Variants in ROBO2 observed in about 807,000 individuals in gnomAD.
ROBO2 encodes the protein roundabout guidance receptor 2.
Under a neutral mutation model 160.8 loss-of-function variants are expected in ROBO2, and 53 were observed. The ratio of observed to expected loss-of-function variants is 0.33; its 90% CI spans 0.26 to 0.41. The LOEUF is 0.41. Ranked by LOEUF, ROBO2 falls within the 10% of genes least tolerant of loss-of-function variation. The pLI is 1.00. For synonymous variants in ROBO2, 664 were observed against 611.7 expected (o/e 1.09, Z -1.26); for missense variants, 1,577 against 1,722.4 (o/e 0.92, Z 1.49).
intron 24 of ROBO2, among the ~76,000 whole-genome samples, chr3:77,638,477 T>C (rs1190444275): frequency 6.6e-6 from 1 of 152,158 alleles, no homozygotes; most frequent in East Asian, 1.9e-4. Flanking sequence ...TTCTATTTCA[T>C]TGAAAACAAC....
In ROBO2 at chr3:76,747,369, CATAT is replaced by C. The variant is rs1560489948; in HGVS notation, c.110-350641_110-350638del. ...TTAAGTGTAAAGGTATTTTTACTGA[CATAT>C]ATACTTATCTTTCATAGAATTTTAA... On this transcript the variant is annotated intron_variant, in intron 2 of 26. Coordinates refer to the ROBO2 transcript ENST00000487694. Among the ~76,000 whole-genome samples, 5 of 152,014 alleles carry C rather than the reference CATAT, an allele frequency of 3.3e-5. No homozygotes were observed. The South Asian group carries it at 1.0e-3, about 32-fold the overall frequency.
intron 2 of ROBO2, among the ~76,000 whole-genome samples, chr3:76,071,796 ATCT>A (rs1303745836): frequency 2.0e-5 from 3 of 151,686 alleles, no homozygotes; most frequent in Non-Finnish European, 4.4e-5. Flanking sequence ...AATGATTATA[ATCT>A]TATTATTATT....
intron 2 of ROBO2, among the ~76,000 whole-genome samples, chr3:76,036,418 G>A (rs1206341543): frequency 1.3e-5 from 2 of 151,856 alleles, no homozygotes; most frequent in Admixed American, 1.3e-4. Flanking sequence ...CCAAAGTGCT[G>A]GGATTACAGG....
chr3:76,919,692 T>A (rs2076545474), intron 2 of ROBO2, among the ~76,000 whole-genome samples: 1 of 152,142 alleles, frequency 6.6e-6, no homozygotes, highest in Non-Finnish European at 1.5e-5. Context: ...CAAAATAATA[T>A]TATTTTTTAT....
intron 2 of ROBO2, among the ~76,000 whole-genome samples, chr3:76,209,737 G>A (rs1360583524): frequency 3.6e-4 from 55 of 152,086 alleles, no homozygotes; most frequent in Non-Finnish European, 4.4e-5. Flanking sequence ...CGTGCTCATG[G>A]AATTATTTCA....
chr3:77,648,694 A>C (rs368041269), exon 26 of ROBO2: 7 of 152,242 alleles, frequency 4.6e-5, no homozygotes, highest in African/African-American at 1.7e-4. Context: ...AGCCTTTGTC[A>C]GCTTGCTACT....
At position 76,655,088 on chromosome 3, in the gene ROBO2, T is replaced by G. The variant is rs191332999; in HGVS notation, c.110-442926T>G. Among the ~76,000 whole-genome samples, 772 of 151,110 alleles carry G rather than the reference T, an allele frequency of 5.1e-3. 2 individuals carry two copies. Among genetic ancestry groups the G allele is most frequent in the Middle Eastern group, 0.044 (13 of 294 alleles). On this transcript the variant is annotated intron_variant, in intron 2 of 26. Transcript: ENST00000487694. ...AGTTGAAAAAGCGGGGTTACAATTTTTTAAATTTTATGAATAGTATGGCTG... is the reference window on the plus strand; with the variant it reads ...AGTTGAAAAAGCGGGGTTACAATTTGTTAAATTTTATGAATAGTATGGCTG...
intron 2 of ROBO2, among the ~76,000 whole-genome samples, chr3:76,004,116 T>C (rs1458297000): frequency 6.6e-6 from 1 of 152,222 alleles, no homozygotes; most frequent in Non-Finnish European, 1.5e-5. Flanking sequence ...TATAGCAACT[T>C]TATTTGCATG....
intron 2 of ROBO2, among the ~76,000 whole-genome samples, chr3:76,743,414 T>G (rs2093834466): frequency 6.6e-6 from 1 of 152,146 alleles, no homozygotes; most frequent in African/African-American, 2.4e-5. Context: ...TGGCTCAATA[T>G]TCCCATTAAC....
intron 2 of ROBO2, among the ~76,000 whole-genome samples, chr3:76,208,727 T>A (rs1463490946): frequency 6.6e-6 from 1 of 152,134 alleles, no homozygotes; most frequent in Non-Finnish European, 1.5e-5. Context: ...TGCCCTTAGA[T>A]ACGATTTGTA....
intron 2 of ROBO2, among the ~76,000 whole-genome samples, chr3:76,332,519 T>A (rs2073568819): frequency 6.6e-6 from 1 of 152,220 alleles, no homozygotes; most frequent in South Asian, 2.1e-4. Context: ...TTAATCATAT[T>A]TTCCATTTAG....
At chr3:75,941,774 C>A (rs2107079912) in intron 2 of ROBO2, among the ~76,000 whole-genome samples, 1 of 152,164 alleles carries the variant, frequency 6.6e-6, no homozygotes, top group South Asian at 2.1e-4. Context: ...AGTTAAGGGG[C>A]AAAATTTTGG....
chr3:76,717,141 C>T (rs954841355), intron 2 of ROBO2, among the ~76,000 whole-genome samples: 1 of 152,086 alleles, frequency 6.6e-6, no homozygotes, highest in Non-Finnish European at 1.5e-5. Flanking sequence ...ATTCCTAACT[C>T]TATAAATCTT....
At chr3:77,553,875 A>C (rs2153655618) in intron 8 of ROBO2, among the ~76,000 whole-genome samples, 1 of 118,210 alleles carries the variant, frequency 8.5e-6, no homozygotes, top group South Asian at 2.9e-4. Flanking sequence ...TCAAGGGCTA[A>C]TATGGAAGCT....
At chr3:77,177,084 A>T (rs1204454437) in intron 2 of ROBO2, among the ~76,000 whole-genome samples, 1 of 152,034 alleles carries the variant, frequency 6.6e-6, no homozygotes, top group Non-Finnish European at 1.5e-5. Context: ...TATTGTTACC[A>T]CTGGTTACTT....
intron 4 of ROBO2, among the ~76,000 whole-genome samples, chr3:77,490,188 C>A (rs950688357): frequency 6.6e-5 from 10 of 151,272 alleles, no homozygotes; most frequent in African/African-American, 1.9e-4. Context: ...GCAAGCTCCG[C>A]CTCCCGGGTT....
intron 1 of ROBO2, among the ~76,000 whole-genome samples, chr3:75,915,775 A>G (rs1946787023): frequency 6.6e-6 from 1 of 152,158 alleles, no homozygotes; most frequent in East Asian, 1.9e-4. Context: ...AGGGGAGATA[A>G]TAAAACTGAA....
chr3:76,083,773 G>C (rs765022941), intron 2 of ROBO2, among the ~76,000 whole-genome samples: 8 of 152,082 alleles, frequency 5.3e-5, no homozygotes, highest in Non-Finnish European at 1.2e-4. Flanking sequence ...TTACAAAGCA[G>C]AAATAATTGA....
intron 2 of ROBO2, among the ~76,000 whole-genome samples, chr3:76,938,303 G>A (rs2149094094): frequency 6.6e-6 from 1 of 152,010 alleles, no homozygotes; most frequent in South Asian, 2.1e-4. Context: ...GCAGTGAGCC[G>A]AGACTGTGCT....
Sources: gnomAD v4.1 joint callset for allele counts (sites outside exome capture counted in the v4.1 genomes callset) on GRCh38, gnomAD v4.1.1 for gene constraint, MANE v1.5 for transcripts, NCBI Gene and HGNC (gene_info 2026-07-23, HGNC 2026-07-21) for gene names.